CSMD1: variants seen among roughly 807,000 people sequenced by gnomAD.
The protein encoded by CSMD1 is CUB and sushi domain-containing protein 1.
Under a neutral mutation model 417.5 loss-of-function variants are expected in CSMD1, and 213 were observed. The ratio of observed to expected loss-of-function variants is 0.51; its 90% CI spans 0.46 to 0.57. The LOEUF (loss-of-function observed/expected upper bound fraction) is 0.57. Among genes scored for constraint, CSMD1 ranks in the 20% least tolerant of loss-of-function variants. The pLI is 0.00. For synonymous variants in CSMD1, 2,862 were observed against 1,736.8 expected, an observed-to-expected ratio of 1.65 and a Z score of -16.11; for missense variants, 6,923 against 4,529.7, an observed-to-expected ratio of 1.53 and a Z score of -15.17.
At chr8:3,215,881 A>T (rs1360138405) in intron 29 of CSMD1, among the ~76,000 whole-genome samples, 1 of 151,742 alleles carries the variant, frequency 6.6e-6, no homozygotes, top group Non-Finnish European at 1.5e-5. Context: ...CAATATTTTC[A>T]ATTATATTTT....
At chr8:4,665,775 G>C (rs1804881800) in intron 1 of CSMD1, among the ~76,000 whole-genome samples, 1 of 152,128 alleles carries the variant, frequency 6.6e-6, no homozygotes, top group Non-Finnish European at 1.5e-5. Flanking sequence ...TAATATTTGT[G>C]TTTGTTTTCC....
At chr8:4,128,497 A>G (rs1802898190) in intron 3 of CSMD1, among the ~76,000 whole-genome samples, 1 of 152,172 alleles carries the variant, frequency 6.6e-6, no homozygotes, top group African/African-American at 2.4e-5. Flanking sequence ...AAAACAACCA[A>G]ACAAACAAAC....
At chr8:3,915,050 G>A (rs1231300764) in intron 5 of CSMD1, among the ~76,000 whole-genome samples, 1 of 152,128 alleles carries the variant, frequency 6.6e-6, no homozygotes, top group Non-Finnish European at 1.5e-5. Context: ...CAGGGATACA[G>A]GCAGGGAATA....
At chr8:3,218,163 A>G (rs969824739) in intron 29 of CSMD1, among the ~76,000 whole-genome samples, 4 of 152,240 alleles carry the variant, frequency 2.6e-5, no homozygotes, top group African/African-American at 9.6e-5. Flanking sequence ...ATCTGATGAT[A>G]AAAGAAAAGA....
chr8:4,601,664 T>C (rs770977030), intron 2 of CSMD1, among the ~76,000 whole-genome samples: 5 of 152,134 alleles, frequency 3.3e-5, no homozygotes, highest in Non-Finnish European at 7.3e-5. Flanking sequence ...TGCAATTATT[T>C]CTCCATACCC....
intron 1 of CSMD1, among the ~76,000 whole-genome samples, chr8:4,944,335 T>A (rs921191572): frequency 3.9e-5 from 6 of 152,206 alleles, no homozygotes; most frequent in African/African-American, 1.4e-4. Flanking sequence ...AGAAAGCTAG[T>A]TATCAGTGAG....
chr8:4,943,026 T>C (rs1243802772), intron 1 of CSMD1, among the ~76,000 whole-genome samples: 1 of 152,162 alleles, frequency 6.6e-6, no homozygotes. Context: ...TGGCTTTCTT[T>C]GAGGAAGACC....
chr8:3,824,131 C>G (rs577204408), intron 5 of CSMD1, among the ~76,000 whole-genome samples: 3 of 152,132 alleles, frequency 2.0e-5, no homozygotes, highest in Admixed American at 1.3e-4. Context: ...GAAGAAATAT[C>G]TCATTCACCA....
At chr8:3,163,323 G>T (rs1820007416) in intron 37 of CSMD1, among the ~76,000 whole-genome samples, 1 of 152,052 alleles carries the variant, frequency 6.6e-6, no homozygotes, top group Non-Finnish European at 1.5e-5. Context: ...CACAACAACA[G>T]GAGAGAACTT....
chr8:3,919,894 C>G (rs1809109086), intron 5 of CSMD1, among the ~76,000 whole-genome samples: 1 of 151,996 alleles, frequency 6.6e-6, no homozygotes, highest in African/African-American at 2.4e-5. Context: ...TAATGACATT[C>G]AAAATGAGAT....
chr8:4,122,039 T>A (rs1453176500), intron 3 of CSMD1, among the ~76,000 whole-genome samples: 1 of 152,056 alleles, frequency 6.6e-6, no homozygotes, highest in Admixed American at 6.6e-5. Flanking sequence ...CTTTATTGTA[T>A]AACTACATGT....
intron 52 of CSMD1, among the ~76,000 whole-genome samples, chr8:3,004,199 T>G (rs993424122): frequency 6.6e-6 from 1 of 152,230 alleles, no homozygotes; most frequent in African/African-American, 2.4e-5. Context: ...TACACTATGA[T>G]GCCAGAGCCC....
At chr8:3,721,459 G>C (rs147897873) in intron 6 of CSMD1, among the ~76,000 whole-genome samples, 107 of 152,290 alleles carry the variant, frequency 7.0e-4, no homozygotes, top group African/African-American at 2.2e-3. Context: ...ATATGGGACT[G>C]AGTCCATTAG....
At chr8:4,072,121 G>A (rs373191745) in intron 3 of CSMD1, among the ~76,000 whole-genome samples, 2 of 152,182 alleles carry the variant, frequency 1.3e-5, no homozygotes, top group East Asian at 1.9e-4. Context: ...GCTATAGGCT[G>A]TTCAACTCCT....
At chr8:3,500,485 G>C (rs569590252) in intron 10 of CSMD1, among the ~76,000 whole-genome samples, 15 of 152,086 alleles carry the variant, frequency 9.9e-5, no homozygotes, top group Admixed American at 8.5e-4. Context: ...CTCTGTCAGA[G>C]TATCAAAGGA....
intron 3 of CSMD1, among the ~76,000 whole-genome samples, chr8:4,401,564 G>C (rs1414178764): frequency 1.3e-5 from 2 of 152,076 alleles, no homozygotes; most frequent in African/African-American, 4.8e-5. Flanking sequence ...TTTGCTTTGA[G>C]CCTGTCTAGA....
chr8:2,985,937 A>C, intron 54 of CSMD1, among the ~76,000 whole-genome samples: 1 of 121,546 alleles, frequency 8.2e-6, no homozygotes. Flanking sequence ...GAGGGGAGGG[A>C]AGGGAAGGGG....
At chr8:4,088,229 G>A (rs919305614) in intron 3 of CSMD1, among the ~76,000 whole-genome samples, 2 of 152,092 alleles carry the variant, frequency 1.3e-5, no homozygotes, top group African/African-American at 2.4e-5. Flanking sequence ...TGCCTTCCTG[G>A]CTCTCAGAAG....
chr8:4,245,592 G>C (rs1802656507), intron 3 of CSMD1, among the ~76,000 whole-genome samples: 1 of 152,148 alleles, frequency 6.6e-6, no homozygotes, highest in Admixed American at 6.5e-5. Context: ...CGATCAGCTG[G>C]TCAACAGGTT....
Sources: gnomAD v4.1 joint callset for allele counts (sites outside exome capture counted in the v4.1 genomes callset) on GRCh38, gnomAD v4.1.1 for gene constraint, MANE v1.5 for transcripts, NCBI Gene and HGNC (gene_info 2026-07-23, HGNC 2026-07-21) for gene names.